Variants in ABLIM2 observed in about 807,000 individuals in gnomAD.
The protein encoded by ABLIM2 is actin-binding LIM protein 2.
Under a neutral mutation model 97.7 loss-of-function variants are expected in ABLIM2, and 53 were observed. The ratio of observed to expected loss-of-function variants is 0.54; its 90% CI spans 0.44 to 0.68. The LOEUF is 0.68. ABLIM2 is among the 30% of genes least tolerant of loss of function. The pLI, the probability that ABLIM2 is intolerant of heterozygous loss-of-function variation, is 0.00. For missense variants in ABLIM2, 835 were observed against 867.2 expected (o/e 0.96, Z 0.47); for synonymous variants, 361 against 345.8 (o/e 1.04, Z -0.49).
chr4:8,152,410 C>T (rs368132221), intron 1 of ABLIM2, among the ~76,000 whole-genome samples: 3 of 151,196 alleles, frequency 2.0e-5, no homozygotes, highest in Non-Finnish European at 2.9e-5. Flanking sequence ...CTCCGAGCAG[C>T]GCTGCGAGGA....
rs549776845 is a variant in ABLIM2, at chr4:8,151,579, G to A, written c.10+7101C>T. On this transcript the variant is annotated intron_variant, in intron 1 of 20. Transcript: ENST00000447017. ...CGAGAGCCAGATGAGAAAGGTGGGC[G>A]CAGCAGGGTCCCTAAAATGGCAGCC... 5.9e-5 allele frequency among the ~76,000 whole-genome samples: 9 copies of A among 152,294 alleles called. No homozygotes were observed. In the South Asian group the frequency reaches 6.2e-4, roughly 11 times the overall value.
At chr4:8,073,407 C>T (rs6842276) in intron 6 of ABLIM2, among the ~76,000 whole-genome samples, 60,677 of 151,202 alleles carry the variant, frequency 0.4, 12,587 homozygotes, top group South Asian at 0.48. Context: ...GGCTGTTCTT[C>T]GCGGAGAACG....
At chr4:8,070,176 G>A (rs1810974464) in intron 6 of ABLIM2, among the ~76,000 whole-genome samples, 1 of 151,548 alleles carries the variant, frequency 6.6e-6, no homozygotes, top group South Asian at 2.1e-4. Context: ...TGTGTGGCCT[G>A]TGTGTCTGTC....
At chr4:7,991,070 A>C (rs760113993) in intron 17 of ABLIM2, among the ~76,000 whole-genome samples, 6 of 152,158 alleles carry the variant, frequency 3.9e-5, no homozygotes, top group Non-Finnish European at 8.8e-5. Context: ...ATTCACAGAA[A>C]GTTTAGTTCT....
rs772068885 is a variant in ABLIM2, at chr4:8,097,248, G to A, written c.189C>T (p.Phe63=). The change falls in exon 3 of 21, where the codon TTC becomes TTT. Residue 63 remains phenylalanine (F), a synonymous_variant. Transcript: ENST00000447017. ...TGCAGATGTACTCGCCCTGCCGCAC[G>A]AAGAAGCCGCCCTCGGCCAGGTCGC... The part of the protein sequence containing the change: ...CGCDLAEGGF[F]VRQGEYICTL... 7.1e-5 allele frequency: 111 copies of A among 1,571,868 alleles called. No individual in the cohort carries two copies. The Middle Eastern group carries it at 1.7e-3, about 23-fold the overall frequency.
At chr4:8,158,569 G>A in intron 1 of ABLIM2, 111 bp downstream of exon 1, 6 of 1,334,248 alleles carry the variant, frequency 4.5e-6, no homozygotes, top group Admixed American at 2.3e-5. Context: ...GGGTGGAGCC[G>A]CTGGGTGATT....
chr4:8,080,011 C>T (rs7694933), intron 5 of ABLIM2, among the ~76,000 whole-genome samples: 12,456 of 152,218 alleles, frequency 0.082, 887 homozygotes, highest in African/African-American at 0.19. Context: ...TGCCTCAGGT[C>T]CCCAATCCCC....
Position 8,110,183 on chromosome 4 carries a change from G to T in ABLIM2, c.11-3546C>A, listed in dbSNP as rs183259653. Among the ~76,000 whole-genome samples the T allele has an allele frequency of 5.9e-5, 9 of 152,274 alleles. 1 individual carries two copies. The highest frequency in any genetic ancestry group is 5.9e-4 in the Admixed American group (9 of 15,292). On this transcript the variant is annotated intron_variant, in intron 1 of 20. Coordinates refer to ENST00000447017, the MANE Select transcript of ABLIM2 (RefSeq NM_001130083.2). The stretch of plus-strand genomic sequence containing the variant: ...TGAGGCTCAGTCAGAGCTCACAGGG[G>T]TGGGGGCCGTGCATCTTCAAGACGC...
chr4:8,141,244 A>G (rs933035389), intron 1 of ABLIM2, among the ~76,000 whole-genome samples: 11 of 152,060 alleles, frequency 7.2e-5, no homozygotes, highest in African/African-American at 2.7e-4. Context: ...CACTCTAAAG[A>G]GATCACAAAC....
rs1472674399 is a variant in ABLIM2, at chr4:8,015,069, G to C, written c.1423+4549C>G. On this transcript the variant is annotated intron_variant, in intron 14 of 20. Transcript: ENST00000447017. The surrounding 1 kb of genome is among the most constrained non-coding windows in gnomAD (Gnocchi z 4.6). The stretch of plus-strand genomic sequence containing the variant: ...CCGAGTAGCTGGGATTACAGGCGCC[G>C]GCCACCACACTTGGCTAATTTTTAT... Among the ~76,000 whole-genome samples, 3 of 151,890 alleles carry C rather than the reference G, an allele frequency of 2.0e-5. No individual in the cohort carries two copies. Among genetic ancestry groups the C allele is most frequent in the Non-Finnish European group, 4.4e-5 (3 of 67,938 alleles).
At chr4:8,084,839 G>C (rs576059510) in intron 4 of ABLIM2, among the ~76,000 whole-genome samples, 1 of 152,330 alleles carries the variant, frequency 6.6e-6, no homozygotes, top group East Asian at 1.9e-4. Context: ...TCTTGCCCTC[G>C]GCACACAGTG....
At chr4:8,064,638 C>T (rs978111944) in intron 6 of ABLIM2, among the ~76,000 whole-genome samples, 13 of 152,300 alleles carry the variant, frequency 8.5e-5, no homozygotes, top group South Asian at 2.1e-4. Context: ...GTGTCCTGAA[C>T]GAACAACATG....
chr4:8,059,676 C>A (rs886744234), intron 7 of ABLIM2, among the ~76,000 whole-genome samples: 4 of 151,998 alleles, frequency 2.6e-5, no homozygotes, highest in African/African-American at 9.7e-5. Context: ...CCGAGGCGGG[C>A]AGATTGCCTG....
At chr4:8,105,801 T>A (rs1373009635) in intron 2 of ABLIM2, among the ~76,000 whole-genome samples, 1 of 152,232 alleles carries the variant, frequency 6.6e-6, no homozygotes, top group African/African-American at 2.4e-5. Flanking sequence ...CTTCCTCCAG[T>A]GCTATTTTTA....
chr4:8,068,638 G>A lies in ABLIM2; in HGVS notation c.676-7584C>T, dbSNP rs780696577. Among the ~76,000 whole-genome samples, 26 of 152,288 alleles carry A rather than the reference G, an allele frequency of 1.7e-4. No individual in the cohort carries two copies. Among genetic ancestry groups the A allele is most frequent in the African/African-American group, 5.8e-4 (24 of 41,556 alleles). Reference sequence around the variant, plus strand: ...CTCCCTGAATCCAACCACGGAATCCGGGTGCAAAGGCCTCCTCTGCCCACT... The same window carrying A: ...CTCCCTGAATCCAACCACGGAATCCAGGTGCAAAGGCCTCCTCTGCCCACT... On this transcript the variant is annotated intron_variant, in intron 6 of 20. Transcript: ENST00000447017. This position sits in a 1 kb window ranked among gnomAD's most constrained non-coding sequence, Gnocchi z 4.5.
At position 8,054,991 on chromosome 4, in the gene ABLIM2, C is replaced by T. The variant is rs1798154532; in HGVS notation, c.764-745G>A. On this transcript the variant is annotated intron_variant, in intron 7 of 20. Transcript: ENST00000447017. This position sits in a 1 kb window ranked among gnomAD's most constrained non-coding sequence, Gnocchi z 4.9. The stretch of plus-strand genomic sequence containing the variant: ...ACCCGGCACCAAGTGCCCCCAGCAT[C>T]CCTGGCACTCTGGTCTCTACTAATT... 6.6e-6 allele frequency among the ~76,000 whole-genome samples: 1 copy of T among 152,100 alleles called. No individual in the cohort carries two copies.
chr4:8,092,743 G>C (rs960382476), intron 3 of ABLIM2, among the ~76,000 whole-genome samples: 4 of 152,242 alleles, frequency 2.6e-5, no homozygotes, highest in Non-Finnish European at 5.9e-5. Context: ...GCTTGCGTTT[G>C]ACCCCAGGCA....
chr4:7,967,931 G>A (rs868423488), intron 20 of ABLIM2, among the ~76,000 whole-genome samples: 7 of 152,376 alleles, frequency 4.6e-5, no homozygotes, highest in Middle Eastern at 3.4e-3. Context: ...GCTCTGTGGA[G>A]CTCCTTGCCA....
intron 1 of ABLIM2, among the ~76,000 whole-genome samples, chr4:8,143,320 TG>T (rs1406271643): frequency 2.0e-5 from 3 of 152,130 alleles, no homozygotes; most frequent in Admixed American, 2.0e-4. Context: ...CCCCCAAGGC[TG>T]GGTTCCCTAC....
Sources: gnomAD v4.1 joint callset for allele counts (sites outside exome capture counted in the v4.1 genomes callset) on GRCh38, gnomAD v4.1.1 for gene constraint, Gnocchi (gnomAD v3.1) non-coding constraint, MANE v1.5 for transcripts, NCBI Gene and HGNC (gene_info 2026-07-23, HGNC 2026-07-21) for gene names.